Variants in CSMD1 observed in about 807,000 individuals in gnomAD.
The protein encoded by CSMD1 is CUB and Sushi multiple domains 1, also known as CUB and sushi domain-containing protein 1.
CSMD1 carries 213 observed loss-of-function variants against 417.5 expected under a neutral mutation model. The ratio of observed to expected loss-of-function variants is 0.51; its 90% CI spans 0.46 to 0.57. CSMD1 has a LOEUF of 0.57. Among genes scored for constraint, CSMD1 ranks in the 20% least tolerant of loss-of-function variants. The pLI is 0.00. For missense variants in CSMD1, 6,923 were observed against 4,529.7 expected, an observed-to-expected ratio of 1.53 and a Z score of -15.17; for synonymous variants, 2,862 against 1,736.8, an observed-to-expected ratio of 1.65 and a Z score of -16.11.
At chr8:4,804,138 A>T (rs17071420) in intron 1 of CSMD1, among the ~76,000 whole-genome samples, 1 of 152,072 alleles carries the variant, frequency 6.6e-6, no homozygotes, top group African/African-American at 2.4e-5. Flanking sequence ...TTTCCTTTAT[A>T]CATCAAAACT....
chr8:4,149,599 A>C (rs1796459217), intron 3 of CSMD1, among the ~76,000 whole-genome samples: 1 of 152,246 alleles, frequency 6.6e-6, no homozygotes, highest in African/African-American at 2.4e-5. Context: ...TAAAAGGGAA[A>C]TAAACAACTG....
chr8:3,670,660 G>C (rs1347723030), intron 7 of CSMD1, among the ~76,000 whole-genome samples: 1 of 135,864 alleles, frequency 7.4e-6, no homozygotes, highest in Non-Finnish European at 1.6e-5. Flanking sequence ...ATATACATGG[G>C]ATATATGTAC....
chr8:4,842,642 TC>T (rs1381272711), intron 1 of CSMD1, among the ~76,000 whole-genome samples: 2 of 152,202 alleles, frequency 1.3e-5, no homozygotes, highest in African/African-American at 4.8e-5. Context: ...TCAGTAGTGT[TC>T]TTCTCTGTTG....
intron 1 of CSMD1, among the ~76,000 whole-genome samples, chr8:4,703,576 G>A (rs965815108): frequency 6.6e-6 from 1 of 152,112 alleles, no homozygotes; most frequent in Non-Finnish European, 1.5e-5. Flanking sequence ...ATTATGAAAA[G>A]TAATGAAAAC....
At chr8:4,139,789 C>T (rs1803670988) in intron 3 of CSMD1, among the ~76,000 whole-genome samples, 1 of 151,020 alleles carries the variant, frequency 6.6e-6, no homozygotes, top group South Asian at 2.1e-4. Flanking sequence ...ACACTGAGCT[C>T]AGTGTTCTAC....
intron 7 of CSMD1, among the ~76,000 whole-genome samples, chr8:3,707,367 G>GA (rs1300723631): frequency 6.6e-6 from 1 of 152,136 alleles, no homozygotes; most frequent in African/African-American, 2.4e-5. Flanking sequence ...CTAGGCAACG[G>GA]AAAAACAATA....
intron 3 of CSMD1, among the ~76,000 whole-genome samples, chr8:4,395,150 C>T (rs1441540251): frequency 2.0e-5 from 3 of 152,248 alleles, no homozygotes; most frequent in Middle Eastern, 6.8e-3. Context: ...CCCTGCTGTC[C>T]TCTGACACTC....
intron 3 of CSMD1, among the ~76,000 whole-genome samples, chr8:4,194,709 G>T (rs1019382793): frequency 6.6e-6 from 1 of 151,944 alleles, no homozygotes; most frequent in East Asian, 1.9e-4. Flanking sequence ...ATTTGCCAAA[G>T]TTCTTCAAAT....
In CSMD1 at chr8:3,610,352, G is replaced by A. The variant is rs553629248; in HGVS notation, c.1097+6358C>T. On this transcript the variant is annotated intron_variant, in intron 8 of 69. Transcript: ENST00000635120. ...GTTAGAAACCAGCCTAGGCAACACA[G>A]CGAGACCTTGTCTTTACAAAAATCT... Among the ~76,000 whole-genome samples the A allele has an allele frequency of 7.9e-5, 12 of 152,202 alleles. No homozygotes were observed. In the East Asian group the frequency reaches 2.3e-3, roughly 29 times the overall value.
chr8:3,188,975 G>C lies in CSMD1; in HGVS notation c.5435C>G (p.Thr1812Arg). 2 of 1,613,382 alleles carry C rather than the reference G, an allele frequency of 1.2e-6. No individual in the cohort carries two copies. The highest frequency in any genetic ancestry group is 2.2e-5 in the South Asian group (2 of 90,966). Residue 1812 changes from threonine to arginine, a missense_variant, in exon 35 of 70, where the codon ACA becomes AGA. Coordinates refer to ENST00000635120, the MANE Select transcript of CSMD1 (RefSeq NM_033225.6). ...CSGNFTQRRG[T>R]ILSPGYPEPY... is the part of the protein sequence containing the mutation. ...CTCAGGGTAGCCGGGGGACAGGATT[G>C]TACCTCTTCGTTGAGTGAAATTGCC...
At chr8:4,163,380 T>C (rs757960890) in intron 3 of CSMD1, among the ~76,000 whole-genome samples, 1 of 152,212 alleles carries the variant, frequency 6.6e-6, no homozygotes, top group African/African-American at 2.4e-5. Context: ...TTACTCCATA[T>C]CCAAGACAGC....
At chr8:3,511,993 T>G (rs889462503) in intron 10 of CSMD1, among the ~76,000 whole-genome samples, 2 of 151,952 alleles carry the variant, frequency 1.3e-5, no homozygotes, top group Non-Finnish European at 2.9e-5. Context: ...ACTCATGAGT[T>G]TACAACGTTT....
rs557831866 is a variant in CSMD1 at position 4,471,324 on chromosome 8, T to C, written c.303-51259A>G. Among the ~76,000 whole-genome samples, 76 of 152,214 alleles carry C rather than the reference T, an allele frequency of 5.0e-4. 1 individual carries two copies. The highest frequency in any genetic ancestry group is 4.3e-3 in the Admixed American group (65 of 15,288). ...GTTGGTAAAAAGCTGGAAAAGGCAATAGTGATCACTATATCGCAGCTTATT... is the reference window on the plus strand; with the variant it reads ...GTTGGTAAAAAGCTGGAAAAGGCAACAGTGATCACTATATCGCAGCTTATT... On this transcript the variant is annotated intron_variant, in intron 2 of 69. Coordinates refer to ENST00000635120, the MANE Select transcript of CSMD1 (RefSeq NM_033225.6).
At chr8:4,400,711 T>C (rs897365506) in intron 3 of CSMD1, among the ~76,000 whole-genome samples, 1 of 151,818 alleles carries the variant, frequency 6.6e-6, no homozygotes, top group East Asian at 1.9e-4. Context: ...GATTTTTTAA[T>C]GGACACTTTG....
At chr8:4,703,080 C>T (rs1337596011) in intron 1 of CSMD1, among the ~76,000 whole-genome samples, 1 of 152,158 alleles carries the variant, frequency 6.6e-6, no homozygotes, top group Non-Finnish European at 1.5e-5. Flanking sequence ...TTATACCATA[C>T]ATAATTTGCA....
intron 6 of CSMD1, among the ~76,000 whole-genome samples, chr8:3,741,466 C>A (rs1278397241): frequency 1.3e-5 from 2 of 152,090 alleles, no homozygotes; most frequent in Non-Finnish European, 2.9e-5. Flanking sequence ...GAGGGAGTAG[C>A]AATTTTACAT....
intron 47 of CSMD1, among the ~76,000 whole-genome samples, chr8:3,092,219 T>A (rs773055596): frequency 6.6e-6 from 1 of 151,998 alleles, no homozygotes; most frequent in Non-Finnish European, 1.5e-5. Context: ...GAATTGAAGA[T>A]TCCATGAAAA....
intron 3 of CSMD1, among the ~76,000 whole-genome samples, chr8:4,366,863 G>A (rs1403820974): frequency 6.6e-6 from 1 of 151,994 alleles, no homozygotes; most frequent in East Asian, 1.9e-4. Flanking sequence ...AGAAGTGCCT[G>A]TTCATGTCCT....
intron 8 of CSMD1, among the ~76,000 whole-genome samples, chr8:3,591,804 G>C (rs912993205): frequency 1.3e-5 from 2 of 152,108 alleles, no homozygotes; most frequent in African/African-American, 2.4e-5. Context: ...AAGATGGAAA[G>C]ATGGATAGAC....
Sources: gnomAD v4.1 joint callset for allele counts (sites outside exome capture counted in the v4.1 genomes callset) on GRCh38, gnomAD v4.1.1 for gene constraint, MANE v1.5 for transcripts, NCBI Gene and HGNC (gene_info 2026-07-23, HGNC 2026-07-21) for gene names.